ADGRF1: variants seen among roughly 807,000 people sequenced by gnomAD.
ADGRF1 encodes adhesion G protein-coupled receptor F1, also known as G protein-coupled receptor 110.
Under a neutral mutation model 87.2 loss-of-function variants are expected in ADGRF1, and 85 were observed. The ratio of observed to expected loss-of-function variants is 0.97; its 90% CI spans 0.82 to 1.17. The LOEUF (loss-of-function observed/expected upper bound fraction) is 1.17, where lower values mean the gene tolerates loss of function less well. Among genes scored for constraint, ADGRF1 ranks in the 50% most tolerant of loss-of-function variants. The pLI is 0.00. For synonymous variants in ADGRF1, 430 were observed against 408.8 expected, an observed-to-expected ratio of 1.05 and a Z score of -0.63; for missense variants, 1,169 against 1,077.2, an observed-to-expected ratio of 1.09 and a Z score of -1.19.
Position 47,026,021 on chromosome 6 carries a change from G to A in ADGRF1, c.128-18C>T, listed in dbSNP as rs1351946525. ...GACTGGGCCTAAAGAGAGAAAGAGA[G>A]TCAGAAACCTTTTTTTCTGTCCTTG... On this transcript the variant is annotated intron_variant, in intron 3 of 14. Transcript: ENST00000371253. 1 of 1,548,702 alleles carries A rather than the reference G, an allele frequency of 6.5e-7. No homozygotes were observed. The highest frequency in any genetic ancestry group is 1.9e-5 in the Admixed American group (1 of 51,854).
intron 12 of ADGRF1, among the ~76,000 whole-genome samples, chr6:47,006,339 T>A (rs547524790): frequency 6.6e-6 from 1 of 152,250 alleles, no homozygotes; most frequent in African/African-American, 2.4e-5. Context: ...AGACTATACA[T>A]CTATTAGCTT....
chr6:47,022,879 C>T (rs775331238), intron 5 of ADGRF1, among the ~76,000 whole-genome samples: 13 of 146,864 alleles, frequency 8.9e-5, no homozygotes, highest in Non-Finnish European at 1.5e-4. Flanking sequence ...GATCTTGGCT[C>T]ACTGCAGCCT....
chr6:47,016,898 A>G, intron 7 of ADGRF1, 130 bp from the exon 8 acceptor site: 1 of 1,275,276 alleles, frequency 7.8e-7, no homozygotes. Flanking sequence ...TCTAGTGGAT[A>G]AGGCAAGGCA....
chr6:47,027,662 A>T, intron 3 of ADGRF1, 42 bp downstream of exon 3: 1 of 1,414,500 alleles, frequency 7.1e-7, no homozygotes, highest in Non-Finnish European at 9.9e-7. Flanking sequence ...TGGTCCCTTG[A>T]CACCAAAATC....
intron 10 of ADGRF1, among the ~76,000 whole-genome samples, chr6:47,010,957 C>G (rs1366854996): frequency 6.6e-6 from 1 of 151,940 alleles, no homozygotes; most frequent in East Asian, 1.9e-4. Context: ...AACCCCTTCT[C>G]TTGCTTATGG....
rs1779318635 is a variant in ADGRF1, at chr6:47,000,097, G to T, written c.*125C>A. On this transcript the variant is annotated 3_prime_UTR_variant, in exon 15 of 15. Transcript: ENST00000371253. ...GTAATGAAGCCACTGAGACATTCTT[G>T]TTTTATTCCCAGACCCCTAAATCAG... 1.5e-6 allele frequency: 1 copy of T among 673,000 alleles called. No individual in the cohort carries two copies. Among genetic ancestry groups the T allele is most frequent in the South Asian group, 1.7e-5 (1 of 57,418 alleles). The allele number at this position is 673,000 out of a possible 1,614,324, so 41.7% of individuals were successfully genotyped here.
chr6:47,018,053 T>G, intron 7 of ADGRF1: 2 of 186,640 alleles, frequency 1.1e-5, no homozygotes, highest in Non-Finnish European at 2.2e-5. Flanking sequence ...GTGGGAAAAA[T>G]AAGTTATAGG....
At chr6:47,041,848 A>T (rs1384359699) in intron 1 of ADGRF1, among the ~76,000 whole-genome samples, 1 of 152,218 alleles carries the variant, frequency 6.6e-6, no homozygotes, top group East Asian at 1.9e-4. Flanking sequence ...TTTAACAAGT[A>T]TCTTTGGTGG....
chr6:47,027,145 A>AT (rs1222436219), intron 3 of ADGRF1, among the ~76,000 whole-genome samples: 3 of 152,188 alleles, frequency 2.0e-5, no homozygotes, highest in Non-Finnish European at 4.4e-5. Flanking sequence ...TTTTATTGTT[A>AT]TTTTTACTGT....
chr6:47,009,826 A>G lies in ADGRF1; in HGVS notation c.1609T>C (p.Trp537Arg). The change falls in exon 11 of 15, where the codon TGG (tryptophan) becomes CGG (arginine). Residue 537 changes from tryptophan (W) to arginine (R), a missense_variant. Trp to Arg is a moderately radical substitution (Grantham distance 101). Transcript: ENST00000371253. ...SNLSQPHCVF[W>R]DFSHLQWNDA... ...TTCCACTGCAAATGACTGAAATCCC[A>G]AAACACACAATGAGGCTGGCTCAGG... is the stretch of plus-strand genomic sequence containing the variant. 1 of 1,614,170 alleles carries G rather than the reference A, an allele frequency of 6.2e-7. No individual in the cohort carries two copies. Among genetic ancestry groups the G allele is most frequent in the Non-Finnish European group, 8.5e-7 (1 of 1,180,022 alleles).
chr6:47,006,005 T>C, intron 12 of ADGRF1, 129 bp from the exon 13 acceptor site: 1 of 549,368 alleles, frequency 1.8e-6, no homozygotes, highest in Non-Finnish European at 3.2e-6. Flanking sequence ...AGACCATGAA[T>C]GGATATCTGG....
chr6:47,021,627 C>T (rs1413788074), intron 6 of ADGRF1, among the ~76,000 whole-genome samples: 4 of 152,094 alleles, frequency 2.6e-5, no homozygotes, highest in African/African-American at 7.2e-5. Context: ...TCCCAAAGTA[C>T]TGGGATTACA....
chr6:46,999,986 T>G lies in ADGRF1; in HGVS notation c.*236A>C. 4.7e-6 allele frequency: 2 copies of G among 427,728 alleles called. No homozygotes were observed. The highest frequency in any genetic ancestry group is 8.5e-6 in the Non-Finnish European group (2 of 234,956). 26.5% of individuals were successfully genotyped at this position (427,728 alleles called of 1,614,324 possible). On this transcript the variant is annotated 3_prime_UTR_variant, in exon 15 of 15. Coordinates refer to ENST00000371253, the MANE Select transcript of ADGRF1 (RefSeq NM_153840.4). The stretch of plus-strand genomic sequence containing the variant: ...TGACACGATTTCCAACAAAACCTAC[T>G]CTTCTGCATTTATGGAGCACTTTCT...
chr6:47,024,871 G>A (rs780205481), intron 4 of ADGRF1, among the ~76,000 whole-genome samples: 3 of 152,168 alleles, frequency 2.0e-5, no homozygotes, highest in Non-Finnish European at 2.9e-5. Flanking sequence ...AAAGAAGGAT[G>A]TATACCCCAT....
chr6:47,023,061 C>G (rs1483618358), intron 5 of ADGRF1, among the ~76,000 whole-genome samples: 1 of 152,218 alleles, frequency 6.6e-6, no homozygotes, highest in South Asian at 2.1e-4. Context: ...GCAATCAGCC[C>G]GCCTTAGGCT....
intron 4 of ADGRF1, among the ~76,000 whole-genome samples, chr6:47,024,997 AC>A (rs1674454268): frequency 6.6e-6 from 1 of 152,336 alleles, no homozygotes; most frequent in South Asian, 2.1e-4. Flanking sequence ...CTTTCTATCC[AC>A]CTGCTACCAC....
intron 1 of ADGRF1, among the ~76,000 whole-genome samples, chr6:47,040,172 G>C (rs1389716224): frequency 6.6e-6 from 1 of 150,978 alleles, no homozygotes; most frequent in African/African-American, 2.4e-5. Context: ...ACATTAAAAA[G>C]AGAACCAGGT....
chr6:47,001,930 G>T, intron 13 of ADGRF1: 1 of 203,080 alleles, frequency 4.9e-6, no homozygotes, highest in South Asian at 7.7e-5. Flanking sequence ...GAAAAACAGT[G>T]CTCTGACTAA....
At chr6:47,022,305 G>A (rs570756731) in intron 5 of ADGRF1, among the ~76,000 whole-genome samples, 3 of 152,286 alleles carry the variant, frequency 2.0e-5, no homozygotes, top group East Asian at 1.9e-4. Context: ...AGGTAAATGC[G>A]TGGCCTCTCA....
Sources: gnomAD v4.1 joint callset for allele counts (sites outside exome capture counted in the v4.1 genomes callset) on GRCh38, gnomAD v4.1.1 for gene constraint, MANE v1.5 for transcripts, NCBI Gene and HGNC (gene_info 2026-07-23, HGNC 2026-07-21) for gene names.